The following MYH11 variants were observed in gnomAD, a reference collection of about 807,000 sequenced individuals.
The protein encoded by MYH11 is myosin-11.
A neutral mutation model predicts 246.6 loss-of-function variants in MYH11; 80 were observed. The ratio of observed to expected loss-of-function variants is 0.32; its 90% confidence interval spans 0.27 to 0.39. The LOEUF is 0.39. Ranked by LOEUF, MYH11 falls within the 10% of genes least tolerant of loss-of-function variation. The pLI is 1.00. For missense variants in MYH11, 2,158 were observed against 2,546.8 expected, an observed-to-expected ratio of 0.85 and a Z score of 3.29; for synonymous variants, 1,071 against 1,015.5, an observed-to-expected ratio of 1.05 and a Z score of -1.04.
chr16:15,814,888 A>G (rs1009115878), intron 3 of MYH11, among the ~76,000 whole-genome samples: 3 of 151,964 alleles, frequency 2.0e-5, no homozygotes, highest in African/African-American at 7.2e-5. Flanking sequence ...GGGGGACACC[A>G]GGAACCATAC....
At chr16:15,799,316 C>G (rs965440808) in intron 3 of MYH11, among the ~76,000 whole-genome samples, 2 of 152,116 alleles carry the variant, frequency 1.3e-5, no homozygotes, top group Non-Finnish European at 2.9e-5. Flanking sequence ...GCCTAAAACT[C>G]CAAGCTCAGT....
chr16:15,766,833 C>A (rs1386916088), intron 9 of MYH11, among the ~76,000 whole-genome samples: 1 of 152,164 alleles, frequency 6.6e-6, no homozygotes, highest in Admixed American at 6.5e-5. Flanking sequence ...AGAGATGAAC[C>A]TTGGGGCAGA....
intron 10 of MYH11, 54 bp downstream of exon 10, chr16:15,763,742 C>A: frequency 1.6e-6 from 1 of 627,778 alleles, no homozygotes; most frequent in Non-Finnish European, 3.0e-6. Context: ...AATGTCACCT[C>A]CCCCACCCCC....
chr16:15,747,499 G>C (rs951787613), intron 19 of MYH11, 71 bp downstream of exon 19: 85 of 1,582,856 alleles, frequency 5.4e-5, no homozygotes, highest in Non-Finnish European at 7.1e-5. Flanking sequence ...TTAGAATCAG[G>C]GAATCAGAAC....
chr16:15,749,235 C>T (rs150555714), intron 16 of MYH11: 3,542 of 151,818 alleles, frequency 0.023, 71 homozygotes, highest in South Asian at 0.07. Flanking sequence ...CTGCAACCTC[C>T]GCCTCCTGGG....
At chr16:15,833,868 A>T (rs540766188) in intron 2 of MYH11, among the ~76,000 whole-genome samples, 1 of 152,118 alleles carries the variant, frequency 6.6e-6, no homozygotes, top group South Asian at 2.1e-4. Flanking sequence ...TTCCTTCTTT[A>T]TCTTCTCCGT....
chr16:15,746,879 G>C (rs1223155236), intron 19 of MYH11, among the ~76,000 whole-genome samples: 1 of 152,182 alleles, frequency 6.6e-6, no homozygotes, highest in Admixed American at 6.6e-5. Context: ...CTTGAGACCA[G>C]GAATTTGAGA....
At chr16:15,793,577 G>GCCACCACA (rs2042665513) in intron 4 of MYH11, among the ~76,000 whole-genome samples, 1 of 149,752 alleles carries the variant, frequency 6.7e-6, no homozygotes. Context: ...CCAGGCATAA[G>GCCACCACA]CCACCACACC....
intron 3 of MYH11, among the ~76,000 whole-genome samples, chr16:15,821,445 GT>G (rs1175458684): frequency 1.3e-5 from 2 of 152,168 alleles, no homozygotes; most frequent in African/African-American, 2.4e-5. Context: ...ATATGTTTAA[GT>G]TTTTCTAGAA....
intron 9 of MYH11, among the ~76,000 whole-genome samples, chr16:15,770,322 T>G (rs2042071969): frequency 6.6e-6 from 1 of 152,184 alleles, no homozygotes; most frequent in African/African-American, 2.4e-5. Flanking sequence ...AGTGCTATTC[T>G]GGGGCTCCAA....
At chr16:15,767,899 C>T (rs184064154) in intron 9 of MYH11, among the ~76,000 whole-genome samples, 4 of 151,168 alleles carry the variant, frequency 2.6e-5, no homozygotes, top group East Asian at 1.9e-4. Flanking sequence ...CCAGGAGGAA[C>T]AACCCCTGCC....
At chr16:15,823,109 C>T in intron 3 of MYH11, 146 bp downstream of exon 3, 1 of 1,184,254 alleles carries the variant, frequency 8.4e-7, no homozygotes, top group Non-Finnish European at 1.2e-6. Flanking sequence ...CACAGATGTT[C>T]CTTTTGCTTT....
At chr16:15,730,123 C>T (rs567980662) in intron 27 of MYH11, among the ~76,000 whole-genome samples, 381 of 152,244 alleles carry the variant, frequency 2.5e-3, no homozygotes, top group Non-Finnish European at 4.1e-3. Context: ...CCTGCCTCCC[C>T]GTTGCCTTCC....
At chr16:15,736,139 G>A (rs1415044687) in intron 25 of MYH11, among the ~76,000 whole-genome samples, 2 of 152,216 alleles carry the variant, frequency 1.3e-5, no homozygotes, top group African/African-American at 2.4e-5. Context: ...TGATTTTACT[G>A]TACTTGTGAA....
rs758663266 is a variant in MYH11 at position 15,721,582 on chromosome 16, C to T, written c.4418G>A (p.Arg1473Lys). The T allele has an allele frequency of 1.9e-6, 3 of 1,614,202 alleles. No homozygotes were observed. In the South Asian group the frequency reaches 3.3e-5, roughly 18 times the overall value. Residue 1473 changes from arginine (R) to lysine (K), a missense_variant, in exon 32 of 41, where the codon AGA (arginine) becomes AAA (lysine). Coordinates refer to ENST00000300036, the MANE Select transcript of MYH11 (RefSeq NM_002474.3). ...ISSKYADERD[R>K]AEAEAREKET... The stretch of plus-strand genomic sequence containing the variant: ...CTTCTCCCTGGCTTCTGCCTCAGCT[C>T]TGTCCCTCTCATCCGCGTATTTGGA...
chr16:15,848,015 C>T (rs2044240173), intron 1 of MYH11, among the ~76,000 whole-genome samples: 2 of 152,058 alleles, frequency 1.3e-5, no homozygotes, highest in African/African-American at 4.8e-5. Flanking sequence ...CATTGAGACA[C>T]AAAACACACA....
chr16:15,711,437 T>G (rs576814486), intron 40 of MYH11, among the ~76,000 whole-genome samples: 1 of 152,218 alleles, frequency 6.6e-6, no homozygotes, highest in African/African-American at 2.4e-5. Flanking sequence ...TAGCTAGATA[T>G]TGAACTTGAT....
intron 14 of MYH11, among the ~76,000 whole-genome samples, chr16:15,755,503 C>T (rs1185466226): frequency 6.6e-6 from 1 of 152,184 alleles, no homozygotes. Flanking sequence ...GAAAAGCAGG[C>T]TGAGGCCAGG....
chr16:15,841,658 G>A (rs114882738), intron 1 of MYH11, among the ~76,000 whole-genome samples: 1,690 of 152,314 alleles, frequency 0.011, 43 homozygotes, highest in African/African-American at 0.039. Flanking sequence ...TATGAGGAGA[G>A]GGACAGAGAC....
Sources: gnomAD v4.1 joint callset for allele counts (sites outside exome capture counted in the v4.1 genomes callset) on GRCh38, gnomAD v4.1.1 for gene constraint, MANE v1.5 for transcripts, NCBI Gene and HGNC (gene_info 2026-07-23, HGNC 2026-07-21) for gene names.